TRPM3: variants seen among roughly 807,000 people sequenced by gnomAD.
TRPM3 encodes the protein transient receptor potential cation channel subfamily M member 3, also known as long transient receptor potential channel 3.
Under a neutral mutation model 181.2 loss-of-function variants are expected in TRPM3, and 77 were observed. The ratio of observed to expected loss-of-function variants is 0.42; its 90% CI spans 0.35 to 0.51. TRPM3 has a LOEUF of 0.51. Ranked by LOEUF, TRPM3 falls within the 20% of genes least tolerant of loss-of-function variation. The pLI is 0.01. For missense variants in TRPM3, 1,759 were observed against 2,196.7 expected, an observed-to-expected ratio of 0.80 and a Z score of 3.98; for synonymous variants, 745 against 796.4, an observed-to-expected ratio of 0.94 and a Z score of 1.09.
At chr9:70,562,499 T>C (rs1258393490) in intron 22 of TRPM3, among the ~76,000 whole-genome samples, 1 of 152,178 alleles carries the variant, frequency 6.6e-6, no homozygotes, top group African/African-American at 2.4e-5. Flanking sequence ...CTATCTGCTA[T>C]GTGCACACAG....
intron 9 of TRPM3, among the ~76,000 whole-genome samples, chr9:70,675,364 G>A (rs945149953): frequency 1.3e-5 from 2 of 152,138 alleles, no homozygotes; most frequent in Non-Finnish European, 2.9e-5. Flanking sequence ...CCAAAGTGCT[G>A]GGATTACAGG....
At chr9:70,761,861 G>A (rs1255356663) in intron 7 of TRPM3, 137 bp from the exon 8 acceptor site, 1 of 1,013,818 alleles carries the variant, frequency 9.9e-7, no homozygotes, top group Non-Finnish European at 1.4e-6. Flanking sequence ...CTCACAAAAG[G>A]TATCCCGCCT....
chr9:71,285,479 C>T (rs895834778), intron 1 of TRPM3, among the ~76,000 whole-genome samples: 2 of 152,152 alleles, frequency 1.3e-5, no homozygotes, highest in Admixed American at 6.5e-5. Flanking sequence ...CTGTTGCCAT[C>T]GAGAGACTGA....
intron 1 of TRPM3, among the ~76,000 whole-genome samples, chr9:71,174,299 T>C (rs2077003552): frequency 6.6e-6 from 1 of 152,142 alleles, no homozygotes. Context: ...CCAAGCAATT[T>C]GGGAGGCCAA....
At chr9:70,637,572 A>G (rs1383170487) in intron 11 of TRPM3, among the ~76,000 whole-genome samples, 1 of 151,844 alleles carries the variant, frequency 6.6e-6, no homozygotes, top group Non-Finnish European at 1.5e-5. Flanking sequence ...ATTCTTCCTG[A>G]AAGTCTCAGT....
At chr9:70,539,959 C>T (rs964916501) in intron 25 of TRPM3, among the ~76,000 whole-genome samples, 4 of 152,148 alleles carry the variant, frequency 2.6e-5, no homozygotes, top group Non-Finnish European at 5.9e-5. Context: ...TTCAGACTCC[C>T]AAGTAGCTGG....
intron 1 of TRPM3, among the ~76,000 whole-genome samples, chr9:71,039,399 T>C (rs1464483244): frequency 6.6e-6 from 1 of 152,174 alleles, no homozygotes; most frequent in Non-Finnish European, 1.5e-5. Flanking sequence ...GTCTATGACA[T>C]TTAAGTTTTA....
chr9:71,297,755 T>A (rs1182989222), intron 1 of TRPM3, among the ~76,000 whole-genome samples: 1 of 152,120 alleles, frequency 6.6e-6, no homozygotes. Context: ...AAGCACCAAG[T>A]TCCTTCAGTT....
At chr9:71,390,034 C>T (rs1209457010) in intron 1 of TRPM3, among the ~76,000 whole-genome samples, 1 of 152,046 alleles carries the variant, frequency 6.6e-6, no homozygotes, top group African/African-American at 2.4e-5. Context: ...TAGAAGCACA[C>T]ATGTGTGCAC....
intron 1 of TRPM3, among the ~76,000 whole-genome samples, chr9:71,033,659 C>T (rs145556089): frequency 1.2e-3 from 185 of 152,314 alleles, no homozygotes; most frequent in African/African-American, 4.1e-3. Flanking sequence ...CAGAATTGCA[C>T]CTTCTCCTAC....
chr9:70,850,916 C>T (rs1189657892), intron 3 of TRPM3, among the ~76,000 whole-genome samples: 3 of 152,164 alleles, frequency 2.0e-5, no homozygotes, highest in African/African-American at 4.8e-5. Context: ...GACTTATGTT[C>T]TCCTAAGGTG....
intron 1 of TRPM3, among the ~76,000 whole-genome samples, chr9:70,999,587 G>A (rs746819260): frequency 5.3e-5 from 8 of 152,198 alleles, no homozygotes; most frequent in Non-Finnish European, 1.0e-4. Context: ...CGATGCTTCC[G>A]GAGAGCACTT....
At chr9:71,247,145 G>A (rs1273612268) in intron 1 of TRPM3, among the ~76,000 whole-genome samples, 1 of 152,076 alleles carries the variant, frequency 6.6e-6, no homozygotes, top group African/African-American at 2.4e-5. Context: ...TTACAGGCCT[G>A]AGCCACCTGA....
intron 9 of TRPM3, among the ~76,000 whole-genome samples, chr9:70,676,291 C>T (rs1199933847): frequency 1.3e-5 from 2 of 152,112 alleles, no homozygotes; most frequent in African/African-American, 2.4e-5. Flanking sequence ...ACGAATGAAA[C>T]TATACAGTCA....
At chr9:71,098,482 G>T (rs1447652433) in intron 1 of TRPM3, among the ~76,000 whole-genome samples, 1 of 152,076 alleles carries the variant, frequency 6.6e-6, no homozygotes, top group Non-Finnish European at 1.5e-5. Context: ...CAGCTGAGTC[G>T]CAATTTATAC....
intron 9 of TRPM3, among the ~76,000 whole-genome samples, chr9:70,671,228 G>T (rs755827034): frequency 1.3e-5 from 2 of 152,084 alleles, no homozygotes; most frequent in Non-Finnish European, 2.9e-5. Flanking sequence ...TAGATGGGGA[G>T]ACTGTGGCTC....
At chr9:70,660,978 C>CA (rs2061049916) in intron 9 of TRPM3, among the ~76,000 whole-genome samples, 1 of 151,726 alleles carries the variant, frequency 6.6e-6, no homozygotes, top group Non-Finnish European at 1.5e-5. Flanking sequence ...AAGGACATGT[C>CA]AAAAAAAGAA....
chr9:70,859,665 T>C (rs547765369), intron 3 of TRPM3, among the ~76,000 whole-genome samples: 31 of 152,320 alleles, frequency 2.0e-4, no homozygotes, highest in African/African-American at 6.7e-4. Context: ...TAAAATCGTT[T>C]GGAGTCTCAG....
At chr9:71,223,403 G>C (rs75489111) in intron 1 of TRPM3, among the ~76,000 whole-genome samples, 3,436 of 152,306 alleles carry the variant, frequency 0.023, 55 homozygotes, top group South Asian at 0.038. Context: ...AGCAGCAATA[G>C]TCAGGTAGTA....
Sources: allele counts gnomAD v4.1 joint callset (sites outside exome capture counted in the v4.1 genomes callset), GRCh38; gene constraint gnomAD v4.1.1; transcripts MANE v1.5; gene names NCBI Gene and HGNC (gene_info 2026-07-23, HGNC 2026-07-21).